LHX4: variants seen among roughly 807,000 people sequenced by gnomAD.
LHX4 encodes the protein LIM homeobox 4, also known as LIM/homeobox protein Lhx4.
Under a neutral mutation model 39.2 loss-of-function variants are expected in LHX4, and 16 were observed. The ratio of observed to expected loss-of-function variants is 0.41; its 90% CI spans 0.28 to 0.62. LHX4 has a LOEUF of 0.62. Among genes scored for constraint, LHX4 ranks in the 20% least tolerant of loss-of-function variants. LHX4 has a pLI of 0.33. For synonymous variants in LHX4, 206 were observed against 198.1 expected (o/e 1.04, Z -0.33); for missense variants, 439 against 511.9 (o/e 0.86, Z 1.37).
chr1:180,233,025 G>C (rs1254320884), intron 1 of LHX4, among the ~76,000 whole-genome samples: 1 of 152,196 alleles, frequency 6.6e-6, no homozygotes, highest in Non-Finnish European at 1.5e-5. Context: ...GGAGCACTTG[G>C]GGACGCAGGT....
intron 2 of LHX4, among the ~76,000 whole-genome samples, chr1:180,264,374 ACATAAC>A (rs1648226070): frequency 2.1e-5 from 2 of 95,972 alleles, no homozygotes; most frequent in Non-Finnish European, 4.0e-5. Flanking sequence ...ATACACACAC[ACATAAC>A]ACACACACAC....
chr1:180,233,153 G>A (rs913337286), intron 1 of LHX4, among the ~76,000 whole-genome samples: 1 of 152,228 alleles, frequency 6.6e-6, no homozygotes, highest in Admixed American at 6.5e-5. Flanking sequence ...CTTATTTGGG[G>A]ATGGGTGAGG....
At position 180,245,525 on chromosome 1, in the gene LHX4, G is replaced by A. The variant is rs538811564; in HGVS notation, c.77-2760G>A. Among the ~76,000 whole-genome samples the A allele has an allele frequency of 1.1e-4, 16 of 152,330 alleles. No individual in the cohort carries two copies. The South Asian group carries it at 1.7e-3, about 16-fold the overall frequency. On this transcript the variant is annotated intron_variant, in intron 1 of 5. Transcript: ENST00000263726. The stretch of plus-strand genomic sequence containing the variant: ...TGTGAGGCGGCCACTCGGCCTCCAC[G>A]GGAGAGTCATGACATCTCTGCAGGG...
In LHX4 at chr1:180,257,813, T is replaced by C. The variant is rs372619209; in HGVS notation, c.249-8579T>C. Among the ~76,000 whole-genome samples, 774 of 152,258 alleles carry C rather than the reference T, an allele frequency of 5.1e-3. 6 individuals carry two copies. The highest frequency in any genetic ancestry group is 0.018 in the African/African-American group (741 of 41,536). ...TCCACGCACAGGAGGCTGACATGGG[T>C]CCTGGGCTGGTCCCCACCGACTGCC... On this transcript the variant is annotated intron_variant, in intron 2 of 5. Coordinates refer to ENST00000263726, the MANE Select transcript of LHX4 (RefSeq NM_033343.4).
chr1:180,257,564 G>A (rs1369778530), intron 2 of LHX4, among the ~76,000 whole-genome samples: 1 of 152,216 alleles, frequency 6.6e-6, no homozygotes, highest in Non-Finnish European at 1.5e-5. Flanking sequence ...TGTGGCCTTA[G>A]AGTGGGCGGT....
At position 180,234,168 on chromosome 1, in the gene LHX4, A is replaced by ATT. The variant is rs1553278602; in HGVS notation, c.76+3564_76+3565dup. On this transcript the variant is annotated intron_variant, in intron 1 of 5. Coordinates refer to ENST00000263726, the MANE Select transcript of LHX4 (RefSeq NM_033343.4). This position sits in a 1 kb window ranked among gnomAD's most constrained non-coding sequence, Gnocchi z 4.8. ...AAACAGACACACACAACACACACAAATTATATATATATATATATATATATA... is the reference window on the plus strand; with the variant it reads ...AAACAGACACACACAACACACACAAATTTTATATATATATATATATATATATA... Among the ~76,000 whole-genome samples the ATT allele has an allele frequency of 2.0e-4, 13 of 64,006 alleles. No individual in the cohort carries two copies. Among genetic ancestry groups the ATT allele is most frequent in the African/African-American group, 5.6e-4 (10 of 17,802 alleles). 42.0% of individuals were successfully genotyped at this position (64,006 alleles called of 152,430 possible).
Position 180,234,150 on chromosome 1 carries a change from C to T in LHX4, c.76+3545C>T. On this transcript the variant is annotated intron_variant, in intron 1 of 5. Transcript: ENST00000263726. The surrounding 1 kb of genome is among the most constrained non-coding windows in gnomAD (Gnocchi z 4.8). ...CTTGTCTCCTAGTGCGAGAAACAGACACACACAACACACACAAATTATATA... is the reference window on the plus strand; with the variant it reads ...CTTGTCTCCTAGTGCGAGAAACAGATACACACAACACACACAAATTATATA... Among the ~76,000 whole-genome samples, 1 of 130,728 alleles carries T rather than the reference C, an allele frequency of 7.6e-6. No individual in the cohort carries two copies. The highest frequency in any genetic ancestry group is 1.6e-5 in the Non-Finnish European group (1 of 61,542). 85.8% of individuals were successfully genotyped at this position (130,728 alleles called of 152,430 possible).
At chr1:180,244,099 G>A (rs913901556) in intron 1 of LHX4, among the ~76,000 whole-genome samples, 1 of 152,220 alleles carries the variant, frequency 6.6e-6, no homozygotes, top group Non-Finnish European at 1.5e-5. Context: ...CTCGTTGAGA[G>A]TGGCTCACTG....
At chr1:180,242,533 A>T (rs1219937693) in intron 1 of LHX4, among the ~76,000 whole-genome samples, 1 of 151,956 alleles carries the variant, frequency 6.6e-6, no homozygotes, top group Admixed American at 6.6e-5. Flanking sequence ...TTGAGTGTGT[A>T]TGTGAGTGCG....
Position 180,248,452 on chromosome 1 carries a change from T to C in LHX4, c.244T>C (p.Phe82Leu). The stretch of plus-strand genomic sequence containing the variant: ...GAGCGTCTACTGCAAGGAGGACTTC[T>C]TCAAGTAAGTCAGAACGGTCCGTCT... ...AGSVYCKEDF[F>L]KRFGTKCTAC... The change falls in exon 2 of 6, where the codon TTC (phenylalanine) becomes CTC (leucine). Residue 82 changes from phenylalanine (F) to leucine (L), a missense_variant. Phe to Leu is a conservative substitution (Grantham distance 22). Coordinates refer to ENST00000263726, the MANE Select transcript of LHX4 (RefSeq NM_033343.4). The C allele has an allele frequency of 6.2e-7, 1 of 1,614,120 alleles. No homozygotes were observed. Among genetic ancestry groups the C allele is most frequent in the Non-Finnish European group, 8.5e-7 (1 of 1,180,024 alleles).
In LHX4 at chr1:180,272,015, G is replaced by A. The variant is rs994001572; in HGVS notation, c.778+9G>A. The stretch of plus-strand genomic sequence containing the variant: ...TGAGCTGAGCTTCCGAGGTGAGCAG[G>A]GCTGGAGGGGCCAGGCCGAGGCCTT... On this transcript the variant is annotated intron_variant, in intron 5 of 5. Coordinates refer to ENST00000263726, the MANE Select transcript of LHX4 (RefSeq NM_033343.4). 8 of 1,609,972 alleles carry A rather than the reference G, an allele frequency of 5.0e-6. No homozygotes were observed. Among genetic ancestry groups the A allele is most frequent in the Admixed American group, 1.7e-5 (1 of 59,764 alleles).
At position 180,266,797 on chromosome 1, in the gene LHX4, C is replaced by T. The variant is rs1266190964; in HGVS notation, c.451+203C>T. The stretch of plus-strand genomic sequence containing the variant: ...CCCGGCCGTTAGCACTCGCCGGCTT[C>T]ATGGAAGTGTTCATCCAGCCATGGT... On this transcript the variant is annotated intron_variant, in intron 3 of 5. Coordinates refer to ENST00000263726, the MANE Select transcript of LHX4 (RefSeq NM_033343.4). The surrounding 1 kb of genome is among the most constrained non-coding windows in gnomAD (Gnocchi z 5.7). Among the ~76,000 whole-genome samples the T allele has an allele frequency of 2.0e-5, 3 of 152,194 alleles. No individual in the cohort carries two copies. Among genetic ancestry groups the T allele is most frequent in the Admixed American group, 1.3e-4 (2 of 15,284 alleles).
At chr1:180,268,627 A>G (rs1648437292) in intron 3 of LHX4, among the ~76,000 whole-genome samples, 1 of 152,216 alleles carries the variant, frequency 6.6e-6, no homozygotes. Context: ...AGGTTTAAAT[A>G]GGATGAGGCT....
At chr1:180,270,496 A>G (rs1201652888) in intron 3 of LHX4, 1 of 152,206 alleles carries the variant, frequency 6.6e-6, no homozygotes, top group Non-Finnish European at 1.5e-5. Flanking sequence ...GTGCTTCCGA[A>G]CACACGCACG....
chr1:180,271,699 G>A, intron 4 of LHX4, 136 bp from the exon 5 acceptor site: 2 of 1,285,312 alleles, frequency 1.6e-6, no homozygotes, highest in Non-Finnish European at 2.3e-6. Flanking sequence ...GGGAGAGGGG[G>A]TGGGGCGCAT....
chr1:180,268,976 T>C (rs764495850), intron 3 of LHX4, among the ~76,000 whole-genome samples: 1 of 152,210 alleles, frequency 6.6e-6, no homozygotes, highest in Admixed American at 6.5e-5. Flanking sequence ...ACTTGCACCT[T>C]AGTGTGAATG....
chr1:180,269,326 A>T (rs1018704885), intron 3 of LHX4, among the ~76,000 whole-genome samples: 3 of 152,154 alleles, frequency 2.0e-5, no homozygotes, highest in Admixed American at 2.0e-4. Context: ...TGTCACATTT[A>T]ACTTCCGTAC....
At chr1:180,247,904 TGTC>T (rs1647449439) in intron 1 of LHX4, among the ~76,000 whole-genome samples, 4 of 152,128 alleles carry the variant, frequency 2.6e-5, no homozygotes, top group Non-Finnish European at 2.9e-5. Context: ...CTTGTGAAAA[TGTC>T]GTGGAAACAG....
Position 180,274,803 on chromosome 1 carries a change from G to A in LHX4, c.*224G>A, listed in dbSNP as rs920959329. On this transcript the variant is annotated 3_prime_UTR_variant, in exon 6 of 6. Coordinates refer to ENST00000263726, the MANE Select transcript of LHX4 (RefSeq NM_033343.4). ...ACTCATCTCAGAACACAGCACAGGGGGTAATGGCCTAGAGCTCTAGGGACA... is the reference window on the plus strand; with the variant it reads ...ACTCATCTCAGAACACAGCACAGGGAGTAATGGCCTAGAGCTCTAGGGACA... 1 of 546,236 alleles carries A rather than the reference G, an allele frequency of 1.8e-6. No homozygotes were observed. The highest frequency in any genetic ancestry group is 1.9e-5 in the African/African-American group (1 of 53,470). The allele number at this position is 546,236 out of a possible 1,614,324, so 33.8% of individuals were successfully genotyped here.
Sources: allele counts gnomAD v4.1 joint callset (sites outside exome capture counted in the v4.1 genomes callset), GRCh38; gene constraint gnomAD v4.1.1; non-coding constraint Gnocchi (gnomAD v3.1); transcripts MANE v1.5; gene names NCBI Gene and HGNC (gene_info 2026-07-23, HGNC 2026-07-21).